The following GAB2 variants were observed in gnomAD, a reference collection of about 807,000 sequenced individuals.
The protein encoded by GAB2 is GRB2 associated binding protein 2.
GAB2 carries 26 observed loss-of-function variants against 65.5 expected under a neutral mutation model. The observed-to-expected ratio is 0.40, with a 90% confidence interval of 0.29 to 0.55. The LOEUF (loss-of-function observed/expected upper bound fraction) is 0.55. Ranked by LOEUF, GAB2 falls within the 20% of genes least tolerant of loss-of-function variation. The pLI is 0.53. For synonymous variants in GAB2, 321 were observed against 329.6 expected, an observed-to-expected ratio of 0.97 and a Z score of 0.28; for missense variants, 884 against 875.8, an observed-to-expected ratio of 1.01 and a Z score of -0.12.
intron 1 of GAB2, among the ~76,000 whole-genome samples, chr11:78,309,820 T>C (rs1479644340): frequency 6.6e-6 from 1 of 152,042 alleles, no homozygotes; most frequent in Non-Finnish European, 1.5e-5. Flanking sequence ...CTACCTTGGA[T>C]AGGGACTCAA....
At chr11:78,296,343 T>C (rs569876356) in intron 1 of GAB2, among the ~76,000 whole-genome samples, 4 of 152,370 alleles carry the variant, frequency 2.6e-5, no homozygotes, top group South Asian at 4.1e-4. Flanking sequence ...AACCTCGTTT[T>C]ATATGTGTTT....
intron 1 of GAB2, among the ~76,000 whole-genome samples, chr11:78,343,782 C>A (rs1242448197): frequency 6.6e-6 from 1 of 151,868 alleles, no homozygotes; most frequent in East Asian, 1.9e-4. Flanking sequence ...CCTAATATTT[C>A]TAAAATATTA....
intron 1 of GAB2, among the ~76,000 whole-genome samples, chr11:78,371,755 G>C (rs1443095489): frequency 1.3e-5 from 2 of 152,116 alleles, no homozygotes; most frequent in Non-Finnish European, 1.5e-5. Context: ...AAGACCATTA[G>C]TAAAGTCACT....
intron 8 of GAB2, 104 bp from the exon 9 acceptor site, chr11:78,220,548 C>G: frequency 1.1e-6 from 1 of 932,800 alleles, no homozygotes; most frequent in Admixed American, 2.6e-5. Flanking sequence ...CTGAGCCCTA[C>G]TCTGACACAT....
intron 3 of GAB2, among the ~76,000 whole-genome samples, chr11:78,238,376 G>A (rs188451289): frequency 4.0e-5 from 6 of 151,824 alleles, no homozygotes; most frequent in African/African-American, 9.7e-5. Context: ...TATGCCTGTA[G>A]TCTCAGCTAC....
intron 2 of GAB2, among the ~76,000 whole-genome samples, chr11:78,252,954 C>A (rs994795958): frequency 7.2e-5 from 11 of 151,800 alleles, no homozygotes; most frequent in Non-Finnish European, 1.5e-4. Context: ...ATGTCACCGT[C>A]CCTCTTAAAA....
intron 2 of GAB2, among the ~76,000 whole-genome samples, chr11:78,270,936 T>A (rs1356821550): frequency 6.6e-6 from 1 of 152,120 alleles, no homozygotes; most frequent in Non-Finnish European, 1.5e-5. Flanking sequence ...GGCAAATGAG[T>A]AGCAATGTTG....
intron 1 of GAB2, among the ~76,000 whole-genome samples, chr11:78,311,430 T>C (rs765693214): frequency 6.6e-6 from 1 of 152,066 alleles, no homozygotes; most frequent in Non-Finnish European, 1.5e-5. Context: ...AAGAATATTA[T>C]ATATATAAAC....
At chr11:78,333,115 C>T (rs1481334595) in intron 1 of GAB2, among the ~76,000 whole-genome samples, 1 of 152,102 alleles carries the variant, frequency 6.6e-6, no homozygotes. Context: ...ACTCTTGATC[C>T]AGTGCTTTAC....
intron 1 of GAB2, among the ~76,000 whole-genome samples, chr11:78,401,505 CGTGTGTGTGTGTGTGTGTGT>C (rs34474918): frequency 2.4e-5 from 3 of 124,934 alleles, no homozygotes; most frequent in Non-Finnish European, 5.1e-5. Context: ...GAACAGTATT[CGTGTGTGTGTGTGTGTGTGT>C]GTGTGTGTGT....
chr11:78,390,414 C>G lies in GAB2; in HGVS notation c.75+27232G>C, dbSNP rs150241422. 1.9e-3 allele frequency among the ~76,000 whole-genome samples: 285 copies of G among 152,128 alleles called. 3 individuals carry two copies. Among genetic ancestry groups the G allele is most frequent in the Middle Eastern group, 6.8e-3 (2 of 294 alleles). On this transcript the variant is annotated intron_variant, in intron 1 of 9. Transcript: ENST00000361507. ...CAGCCTGAGAAACATAGTGAGATCC[C>G]GTATCTACAAAAAAGAAAATAAAAA...
At chr11:78,241,611 GAAAA>G (rs561166459) in intron 3 of GAB2, among the ~76,000 whole-genome samples, 7 of 139,832 alleles carry the variant, frequency 5.0e-5, no homozygotes, top group South Asian at 4.5e-4. Context: ...AAAAGAGAAA[GAAAA>G]AAAAAAACCC....
intron 2 of GAB2, among the ~76,000 whole-genome samples, chr11:78,276,305 T>A (rs1315712345): frequency 6.6e-6 from 1 of 151,650 alleles, no homozygotes; most frequent in Non-Finnish European, 1.5e-5. Context: ...CCCTGCCTCT[T>A]AAAAAATACA....
At chr11:78,283,443 A>G (rs57738705) in intron 1 of GAB2, among the ~76,000 whole-genome samples, 30,442 of 152,142 alleles carry the variant, frequency 0.2, 3,294 homozygotes, top group East Asian at 0.4. Flanking sequence ...GAAAAAATTA[A>G]AAGTTTGACT....
chr11:78,394,220 G>A (rs917185423), intron 1 of GAB2, among the ~76,000 whole-genome samples: 1 of 152,136 alleles, frequency 6.6e-6, no homozygotes, highest in Non-Finnish European at 1.5e-5. Flanking sequence ...CCCAGGAGGC[G>A]GAGGTTGCAG....
intron 1 of GAB2, among the ~76,000 whole-genome samples, chr11:78,375,360 A>G (rs1679796633): frequency 6.6e-6 from 1 of 152,168 alleles, no homozygotes; most frequent in Non-Finnish European, 1.5e-5. Context: ...GGCACAGCTT[A>G]ATTAAAGTAC....
chr11:78,312,920 C>G (rs1179281637), intron 1 of GAB2, among the ~76,000 whole-genome samples: 3 of 152,012 alleles, frequency 2.0e-5, no homozygotes, highest in African/African-American at 7.3e-5. Flanking sequence ...TCCTCAACTC[C>G]CATCAAGGGT....
intron 1 of GAB2, among the ~76,000 whole-genome samples, chr11:78,394,402 G>A (rs1484308088): frequency 6.6e-6 from 1 of 152,210 alleles, no homozygotes; most frequent in Non-Finnish European, 1.5e-5. Flanking sequence ...GCAGAGATAA[G>A]AGGGGAAATC....
In GAB2 at chr11:78,402,630, A is replaced by G. The variant is rs370490005; in HGVS notation, c.75+15016T>C. Among the ~76,000 whole-genome samples the G allele has an allele frequency of 3.6e-4, 41 of 114,944 alleles. No individual in the cohort carries two copies. The East Asian group carries it at 5.0e-3, about 14-fold the overall frequency. 75.4% of individuals were successfully genotyped at this position (114,944 alleles called of 152,430 possible). A position where few individuals can be genotyped will look rare whatever the true frequency, so the allele number is the denominator to read the frequency against. On this transcript the variant is annotated intron_variant, in intron 1 of 9. Transcript: ENST00000361507. The stretch of plus-strand genomic sequence containing the variant: ...ACCACCACGCCCAGCTAATTTTTGT[A>G]TTTTTGGTAGAGATGGGATTTCACC...
Sources: gnomAD v4.1 joint callset for allele counts (sites outside exome capture counted in the v4.1 genomes callset) on GRCh38, gnomAD v4.1.1 for gene constraint, MANE v1.5 for transcripts, NCBI Gene and HGNC (gene_info 2026-07-23, HGNC 2026-07-21) for gene names.